The following SPIRE1 variants were observed in gnomAD, a reference collection of about 807,000 sequenced individuals.
The protein encoded by SPIRE1 is spire type actin nucleation factor 1, also known as protein spire homolog 1.
A neutral mutation model predicts 94.1 loss-of-function variants in SPIRE1; 40 were observed. The ratio of observed to expected loss-of-function variants is 0.43; its 90% CI spans 0.33 to 0.55. The LOEUF (loss-of-function observed/expected upper bound fraction) is 0.55, where lower values mean the gene tolerates loss of function less well. Ranked by LOEUF, SPIRE1 falls within the 20% of genes least tolerant of loss-of-function variation. The pLI, the probability that SPIRE1 is intolerant of heterozygous loss-of-function variation, is 0.06. For missense variants in SPIRE1, 838 were observed against 975.2 expected, an observed-to-expected ratio of 0.86 and a Z score of 1.87; for synonymous variants, 376 against 371.7, an observed-to-expected ratio of 1.01 and a Z score of -0.13.
chr18:12,489,619 A>G (rs1490088763), intron 8 of SPIRE1, among the ~76,000 whole-genome samples: 3 of 152,238 alleles, frequency 2.0e-5, no homozygotes, highest in Non-Finnish European at 4.4e-5. Context: ...TTTCAGACTT[A>G]CTAGGAAAAA....
At chr18:12,624,823 C>T (rs1351408153) in intron 2 of SPIRE1, among the ~76,000 whole-genome samples, 2 of 120,938 alleles carry the variant, frequency 1.7e-5, no homozygotes, top group East Asian at 2.7e-4. Flanking sequence ...CAGAGTGAGA[C>T]TCCATCTCAA....
intron 2 of SPIRE1, among the ~76,000 whole-genome samples, chr18:12,634,257 A>AT (rs2037859002): frequency 1.6e-5 from 1 of 63,994 alleles, no homozygotes; most frequent in South Asian, 8.2e-4. Flanking sequence ...AAAAATAAAA[A>AT]TAAAAAAAAA....
chr18:12,492,150 G>C (rs2033256941), intron 8 of SPIRE1, among the ~76,000 whole-genome samples: 1 of 152,154 alleles, frequency 6.6e-6, no homozygotes, highest in African/African-American at 2.4e-5. Context: ...AAAAACCATG[G>C]AAGAGGGTAT....
chr18:12,578,449 A>G (rs913440960), intron 2 of SPIRE1, among the ~76,000 whole-genome samples: 5 of 152,176 alleles, frequency 3.3e-5, no homozygotes, highest in African/African-American at 9.6e-5. Context: ...CAGCACAAAA[A>G]ACACATTCTG....
chr18:12,611,956 G>C (rs1227603011), intron 2 of SPIRE1, among the ~76,000 whole-genome samples: 12 of 152,038 alleles, frequency 7.9e-5, no homozygotes, highest in Non-Finnish European at 1.5e-4. Flanking sequence ...TTACAGGCGT[G>C]AGCCACTGTG....
chr18:12,527,295 A>G (rs979094642), intron 4 of SPIRE1, among the ~76,000 whole-genome samples: 3 of 152,182 alleles, frequency 2.0e-5, no homozygotes, highest in Admixed American at 2.0e-4. Context: ...TTATCATCAC[A>G]GGCAGCTACT....
intron 2 of SPIRE1, among the ~76,000 whole-genome samples, chr18:12,627,423 G>A (rs1404749624): frequency 6.6e-6 from 1 of 152,126 alleles, no homozygotes; most frequent in African/African-American, 2.4e-5. Context: ...AGTATTCCAT[G>A]GTGTGTATGT....
intron 2 of SPIRE1, among the ~76,000 whole-genome samples, chr18:12,562,879 A>G (rs2035727253): frequency 6.6e-6 from 1 of 152,148 alleles, no homozygotes; most frequent in African/African-American, 2.4e-5. Flanking sequence ...TATAGTTAAC[A>G]CAATAACAAA....
At chr18:12,636,517 G>GA (rs71174117) in intron 1 of SPIRE1, among the ~76,000 whole-genome samples, 84,112 of 148,948 alleles carry the variant, frequency 0.56, 24,650 homozygotes, top group Middle Eastern at 0.75. Context: ...TGAGTTGGTT[G>GA]AAAAAAAAAC....
chr18:12,516,432 G>T (rs1368782706), intron 4 of SPIRE1, among the ~76,000 whole-genome samples: 1 of 152,184 alleles, frequency 6.6e-6, no homozygotes, highest in Non-Finnish European at 1.5e-5. Context: ...GAATAGGGCT[G>T]CAGACGGTAG....
intron 2 of SPIRE1, among the ~76,000 whole-genome samples, chr18:12,610,206 A>G (rs1419515546): frequency 1.6e-4 from 25 of 151,846 alleles, no homozygotes; most frequent in Non-Finnish European, 2.5e-4. Context: ...TTCTCTCTCA[A>G]TTCTTGGTGA....
At chr18:12,627,614 C>T (rs1015984721) in intron 2 of SPIRE1, among the ~76,000 whole-genome samples, 1 of 152,040 alleles carries the variant, frequency 6.6e-6, no homozygotes, top group Non-Finnish European at 1.5e-5. Flanking sequence ...TTCTAGTTCT[C>T]GATCCTTGAA....
At chr18:12,452,957 A>G in intron 14 of SPIRE1, 111 bp downstream of exon 14, 2 of 688,690 alleles carry the variant, frequency 2.9e-6, no homozygotes, top group Non-Finnish European at 2.4e-6. Flanking sequence ...TAACAGAGTG[A>G]GTCATTTCTA....
intron 2 of SPIRE1, among the ~76,000 whole-genome samples, chr18:12,607,602 C>CAT (rs200447756): frequency 0.024 from 1,659 of 68,638 alleles, 40 homozygotes; most frequent in African/African-American, 0.081. Flanking sequence ...GCACTACACA[C>CAT]ACACACACAC....
At chr18:12,527,274 T>G (rs1269602765) in intron 4 of SPIRE1, among the ~76,000 whole-genome samples, 2 of 152,190 alleles carry the variant, frequency 1.3e-5, no homozygotes, top group Non-Finnish European at 2.9e-5. Context: ...TAGGTCTAAT[T>G]TTAAGTCCTT....
At chr18:12,456,879 C>T (rs1454598171) in intron 12 of SPIRE1, among the ~76,000 whole-genome samples, 1 of 152,192 alleles carries the variant, frequency 6.6e-6, no homozygotes, top group Admixed American at 6.5e-5. Flanking sequence ...GCTCTGTCAC[C>T]CAGGCTGGAG....
chr18:12,461,554 C>T (rs1222350522), intron 12 of SPIRE1, among the ~76,000 whole-genome samples: 6 of 148,676 alleles, frequency 4.0e-5, no homozygotes, highest in East Asian at 2.0e-4. Context: ...TATATACATA[C>T]ATGCGTGTAT....
At chr18:12,661,308 C>CA (rs2038691879), upstream of SPIRE1, 5 of 956,546 alleles carry the variant, frequency 5.2e-6, no homozygotes, top group Non-Finnish European at 6.2e-6. Flanking sequence ...GCCTTCATCT[C>CA]AAAAAAGAAG....
intron 11 of SPIRE1, among the ~76,000 whole-genome samples, chr18:12,464,168 C>A (rs948076823): frequency 1.3e-5 from 2 of 152,054 alleles, no homozygotes; most frequent in Non-Finnish European, 2.9e-5. Flanking sequence ...CCATGAGAAA[C>A]CACTAAAGGA....
Sources: allele counts gnomAD v4.1 joint callset (sites outside exome capture counted in the v4.1 genomes callset), GRCh38; gene constraint gnomAD v4.1.1; transcripts MANE v1.5; gene names NCBI Gene and HGNC (gene_info 2026-07-23, HGNC 2026-07-21).